Variants in QKI observed in about 807,000 individuals in gnomAD.
The protein encoded by QKI is KH domain-containing RNA-binding protein QKI.
A neutral mutation model predicts 39.0 loss-of-function variants in QKI; 10 were observed. That is an observed-to-expected ratio of 0.26 (90% CI 0.16 to 0.43). The LOEUF is 0.43. Ranked by LOEUF, QKI falls within the 20% of genes least tolerant of loss-of-function variation. The probability of loss-of-function intolerance (pLI) is 1.00; values close to 1 mark genes in which losing one functional copy is unlikely to be tolerated. For synonymous variants in QKI, 204 were observed against 155.4 expected, an observed-to-expected ratio of 1.31 and a Z score of -2.33; for missense variants, 218 against 428.0, an observed-to-expected ratio of 0.51 and a Z score of 4.33.
At chr6:163,483,549 C>G (rs996105073) in intron 3 of QKI, among the ~76,000 whole-genome samples, 2 of 152,152 alleles carry the variant, frequency 1.3e-5, no homozygotes, top group Non-Finnish European at 2.9e-5. Flanking sequence ...TACATTTCAT[C>G]TCAAGAAATC....
At chr6:163,493,320 C>G (rs796817352) in intron 3 of QKI, among the ~76,000 whole-genome samples, 23 of 151,986 alleles carry the variant, frequency 1.5e-4, no homozygotes, top group African/African-American at 5.5e-4. Context: ...CTAATAGTGA[C>G]GGGGTTTTAA....
chr6:163,520,932 T>C (rs918697924), intron 3 of QKI, among the ~76,000 whole-genome samples: 1 of 152,172 alleles, frequency 6.6e-6, no homozygotes, highest in African/African-American at 2.4e-5. Context: ...AGGATTATTA[T>C]GGGTTTTGGA....
intron 4 of QKI, among the ~76,000 whole-genome samples, chr6:163,546,151 A>C (rs544193422): frequency 4.1e-4 from 62 of 151,272 alleles, no homozygotes; most frequent in African/African-American, 1.5e-3. Context: ...GATATTCTAC[A>C]CAGATACTGT....
intron 3 of QKI, among the ~76,000 whole-genome samples, chr6:163,531,859 G>GT (rs1780874260): frequency 6.6e-6 from 1 of 152,134 alleles, no homozygotes; most frequent in African/African-American, 2.4e-5. Flanking sequence ...TGGTGGGAGT[G>GT]TAAGTACACC....
chr6:163,562,600 C>T (rs1202279701), intron 5 of QKI, among the ~76,000 whole-genome samples: 2 of 151,816 alleles, frequency 1.3e-5, no homozygotes, highest in Non-Finnish European at 2.9e-5. Context: ...TGTTTTTATG[C>T]GTATCTATGC....
intron 2 of QKI, among the ~76,000 whole-genome samples, chr6:163,456,926 G>C (rs1460392042): frequency 6.6e-6 from 1 of 152,140 alleles, no homozygotes; most frequent in African/African-American, 2.4e-5. Context: ...TTAAAATTCA[G>C]ATTCTTAGAA....
At chr6:163,432,750 T>G (rs1788939971) in intron 1 of QKI, among the ~76,000 whole-genome samples, 1 of 152,154 alleles carries the variant, frequency 6.6e-6, no homozygotes, top group African/African-American at 2.4e-5. Flanking sequence ...AATAATGTGA[T>G]AAAAGTCTAA....
At chr6:163,472,133 C>T (rs574966702) in intron 2 of QKI, among the ~76,000 whole-genome samples, 11 of 152,148 alleles carry the variant, frequency 7.2e-5, no homozygotes, top group South Asian at 2.1e-4. Context: ...AGCCTACTGT[C>T]GACTGGAAGC....
intron 4 of QKI, among the ~76,000 whole-genome samples, chr6:163,537,695 C>A (rs1415332966): frequency 2.0e-5 from 3 of 152,250 alleles, no homozygotes; most frequent in Non-Finnish European, 4.4e-5. Flanking sequence ...TTACCATGGT[C>A]CTGAAAAACA....
At chr6:163,539,778 TTTGTACCAATTTACTG>T (rs1388444259) in intron 4 of QKI, among the ~76,000 whole-genome samples, 1 of 152,186 alleles carries the variant, frequency 6.6e-6, no homozygotes, top group Middle Eastern at 3.2e-3. Flanking sequence ...TTCCAGAAAA[TTTGTACCAATTTACTG>T]TCCTGCCAGT....
At chr6:163,468,391 C>A (rs576521911) in intron 2 of QKI, among the ~76,000 whole-genome samples, 1 of 152,264 alleles carries the variant, frequency 6.6e-6, no homozygotes, top group Non-Finnish European at 1.5e-5. Flanking sequence ...AGAAGTGTTT[C>A]ACTTGAGGTG....
At chr6:163,549,478 AG>A (rs1202295817) in intron 4 of QKI, among the ~76,000 whole-genome samples, 1 of 152,188 alleles carries the variant, frequency 6.6e-6, no homozygotes, top group African/African-American at 2.4e-5. Context: ...TGGGAGGCTG[AG>A]GCGGGCGGAT....
intron 1 of QKI, among the ~76,000 whole-genome samples, chr6:163,451,884 T>C (rs948501795): frequency 3.3e-5 from 5 of 152,240 alleles, no homozygotes; most frequent in African/African-American, 1.2e-4. Context: ...CCGTACTCGT[T>C]GCATGTTTCC....
intron 7 of QKI, 69 bp from the exon 8 acceptor site, chr6:163,570,625 A>G: frequency 6.3e-7 from 1 of 1,594,820 alleles, no homozygotes; most frequent in Non-Finnish European, 8.5e-7. Context: ...TCACTAGCTG[A>G]AACTAATCTC....
intron 3 of QKI, among the ~76,000 whole-genome samples, chr6:163,501,733 C>T (rs1173110691): frequency 6.6e-6 from 1 of 152,150 alleles, no homozygotes; most frequent in East Asian, 1.9e-4. Context: ...GGGATTGTGC[C>T]AGAATGGCTG....
rs1225488962 is a variant in QKI at position 163,557,503 on chromosome 6, T to TA, written c.547-4478dup. Among the ~76,000 whole-genome samples the TA allele has an allele frequency of 1.1e-4, 16 of 152,204 alleles. No homozygotes were observed. In the East Asian group the frequency reaches 3.1e-3, roughly 29 times the overall value. On this transcript the variant is annotated intron_variant, in intron 4 of 7. Coordinates refer to ENST00000361752, the MANE Select transcript of QKI (RefSeq NM_006775.3). ...ATTAAGTCAATTGAACTTATGGAGATAGAGTGTGGAGCGATGGTTCCAGAG... is the reference window on the plus strand; with the variant it reads ...ATTAAGTCAATTGAACTTATGGAGATAAGAGTGTGGAGCGATGGTTCCAGAG...
At chr6:163,548,343 G>C (rs1782019060) in intron 4 of QKI, among the ~76,000 whole-genome samples, 2 of 151,352 alleles carry the variant, frequency 1.3e-5, no homozygotes, top group Non-Finnish European at 2.9e-5. Context: ...CTTGTTGTTT[G>C]CTTTTCATAG....
chr6:163,445,493 G>A (rs74487873), intron 1 of QKI, among the ~76,000 whole-genome samples: 6,094 of 152,116 alleles, frequency 0.04, 408 homozygotes, highest in African/African-American at 0.14. Context: ...TTATAAAAAT[G>A]TTCTTGAATT....
At chr6:163,427,476 T>A (rs1397706862) in intron 1 of QKI, among the ~76,000 whole-genome samples, 1 of 152,106 alleles carries the variant, frequency 6.6e-6, no homozygotes, top group Admixed American at 6.6e-5. Flanking sequence ...ATTATTTTCC[T>A]TTTTTGGTGG....
Sources: allele counts gnomAD v4.1 joint callset (sites outside exome capture counted in the v4.1 genomes callset), GRCh38; gene constraint gnomAD v4.1.1; transcripts MANE v1.5; gene names NCBI Gene and HGNC (gene_info 2026-07-23, HGNC 2026-07-21).